WDR36: variants seen among roughly 807,000 people sequenced by gnomAD.
The protein encoded by WDR36 is WD repeat domain 36, also known as WD repeat-containing protein 36.
A neutral mutation model predicts 112.7 loss-of-function variants in WDR36; 63 were observed. That is an observed-to-expected ratio of 0.56 (90% confidence interval 0.46 to 0.69). The LOEUF is 0.69. Among genes scored for constraint, WDR36 ranks in the 30% least tolerant of loss-of-function variants. The probability of loss-of-function intolerance (pLI) is 0.00; values close to 1 mark genes in which losing one functional copy is unlikely to be tolerated. For synonymous variants in WDR36, 410 were observed against 362.2 expected (o/e 1.13, Z -1.50); for missense variants, 1,226 against 1,070.3 (o/e 1.15, Z -2.03).
chr5:111,119,566 C>T (rs1753523094), intron 17 of WDR36, among the ~76,000 whole-genome samples: 1 of 152,042 alleles, frequency 6.6e-6, no homozygotes, highest in African/African-American at 2.4e-5. Flanking sequence ...ACTTTTATAA[C>T]CGTGTAAAGA....
intron 3 of WDR36, 60 bp downstream of exon 3, chr5:111,097,239 G>C (rs1421000407): frequency 7.9e-7 from 1 of 1,261,600 alleles, no homozygotes; most frequent in East Asian, 2.3e-5. Context: ...ATAGTGGAGG[G>C]AACTTTAATT....
rs1752879775 is a variant in WDR36 at position 111,092,408 on chromosome 5, G to A, written c.-49G>A. ...TAGACACGCTGAAGGGACTGGGTAC[G>A]TGTTTTCCTTCAGGACCAGAGCTGA... On this transcript the variant is annotated 5_prime_UTR_variant, in exon 1 of 23. It adds an upstream start codon to the 5' untranslated region. Coordinates refer to ENST00000513710, the MANE Select transcript of WDR36 (RefSeq NM_139281.3). 6.2e-7 allele frequency: 1 copy of A among 1,614,250 alleles called. No individual in the cohort carries two copies. The highest frequency in any genetic ancestry group is 8.5e-7 in the Non-Finnish European group (1 of 1,180,042).
At chr5:111,101,219 A>G (rs75106237) in intron 5 of WDR36, among the ~76,000 whole-genome samples, 2,172 of 152,018 alleles carry the variant, frequency 0.014, 25 homozygotes, top group Non-Finnish European at 0.019. Context: ...GAAAGGTGGC[A>G]TGTGATCCTG....
chr5:111,104,059 G>T (rs1313180433), intron 7 of WDR36, 118 bp from the exon 8 acceptor site: 1 of 1,382,842 alleles, frequency 7.2e-7, no homozygotes, highest in Non-Finnish European at 9.9e-7. Flanking sequence ...AATATGAATA[G>T]ATTATTGGTA....
In WDR36 at chr5:111,127,849, C is replaced by T. The variant is rs1223857794; in HGVS notation, c.*966C>T. On this transcript the variant is annotated 3_prime_UTR_variant, in exon 23 of 23. Coordinates refer to ENST00000513710, the MANE Select transcript of WDR36 (RefSeq NM_139281.3). ...ATAAATCCTTGCAAACAATTTTTAG[C>T]AATATTGTTTATTGCTACCACAGCC... 1 of 208,128 alleles carries T rather than the reference C, an allele frequency of 4.8e-6. No individual in the cohort carries two copies. Among genetic ancestry groups the T allele is most frequent in the Non-Finnish European group, 9.7e-6 (1 of 102,770 alleles). 12.9% of individuals were successfully genotyped at this position (208,128 alleles called of 1,614,324 possible). A position where few individuals can be genotyped will look rare whatever the true frequency, so the allele number is the denominator to read the frequency against.
chr5:111,129,653 G>C lies in WDR36; in HGVS notation c.*2770G>C, dbSNP rs1024603546. On this transcript the variant is annotated 3_prime_UTR_variant, in exon 23 of 23. Coordinates refer to ENST00000513710, the MANE Select transcript of WDR36 (RefSeq NM_139281.3). The stretch of plus-strand genomic sequence containing the variant: ...AATGTTTTCTCCTACTTAGCCATTT[G>C]GCTTTAATTTTACATGGTGTCTGTT... The C allele has an allele frequency of 4.9e-6, 1 of 204,690 alleles. No homozygotes were observed. Among genetic ancestry groups the C allele is most frequent in the African/African-American group, 2.3e-5 (1 of 43,648 alleles). The allele number at this position is 204,690 out of a possible 1,614,324, so 12.7% of individuals were successfully genotyped here.
chr5:111,107,971 C>A (rs1753252803), intron 12 of WDR36, among the ~76,000 whole-genome samples: 1 of 151,044 alleles, frequency 6.6e-6, no homozygotes, highest in Admixed American at 6.6e-5. Context: ...CTCTTCTGGT[C>A]CCTTGCATTT....
Position 111,102,380 on chromosome 5 carries a change from G to A in WDR36, c.578G>A (p.Gly193Glu). ...LLYTFPGWKV[G>E]VTALQQAPAV... ...TATACATTTCCAGGATGGAAAGTTG[G>A]AGTGACAGCTCTTCAGCAGGTTAGT... Residue 193 changes from glycine (G) to glutamate (E), a missense_variant, in exon 6 of 23, where the codon GGA becomes GAA. By Grantham distance (98) the Gly-to-Glu change is moderately conservative (BLOSUM62 -2). Transcript: ENST00000513710. 1 of 1,610,370 alleles carries A rather than the reference G, an allele frequency of 6.2e-7. No homozygotes were observed. The highest frequency in any genetic ancestry group is 1.7e-5 in the Admixed American group (1 of 59,708).
intron 19 of WDR36, among the ~76,000 whole-genome samples, chr5:111,121,916 G>A (rs1753575227): frequency 1.3e-5 from 2 of 152,170 alleles, no homozygotes; most frequent in African/African-American, 4.8e-5. Context: ...TCTGCTGGAT[G>A]TACTTAAGTC....
chr5:111,111,319 C>G lies in WDR36; in HGVS notation c.1716+41C>G, dbSNP rs752421950. ...ACTAATAAAACTTGACTCATTTCTA[C>G]TTTTGTTTGGGTGTGTTATCCTTTA... On this transcript the variant is annotated intron_variant, in intron 15 of 22. Coordinates refer to ENST00000513710, the MANE Select transcript of WDR36 (RefSeq NM_139281.3). The G allele has an allele frequency of 3.9e-6, 6 of 1,536,376 alleles. No individual in the cohort carries two copies. The Admixed American group carries it at 1.0e-4, about 26-fold the overall frequency.
rs376602215 is a variant in WDR36, at chr5:111,119,169, T to C, written c.1904+49T>C. 88 of 1,461,544 alleles carry C rather than the reference T, an allele frequency of 6.0e-5. 1 individual carries two copies. The African/African-American group carries it at 1.1e-3, about 18-fold the overall frequency. The allele number at this position is 1,461,544 out of a possible 1,614,324, so 90.5% of individuals were successfully genotyped here. A position where few individuals can be genotyped will look rare whatever the true frequency, so the allele number is the denominator to read the frequency against. On this transcript the variant is annotated intron_variant, in intron 17 of 22. Transcript: ENST00000513710. The stretch of plus-strand genomic sequence containing the variant: ...TTTTGGGATGAAGAAGATTGTATTG[T>C]CAGAGAGTTAGAGTTGCTAAAATTG...
At chr5:111,119,676 CTT>C (rs915655593) in intron 17 of WDR36, among the ~76,000 whole-genome samples, 2 of 151,880 alleles carry the variant, frequency 1.3e-5, no homozygotes, top group African/African-American at 4.8e-5. Flanking sequence ...TCTTTCCTAA[CTT>C]TATATCTGTA....
At chr5:111,099,958 A>C (rs1468175812) in intron 4 of WDR36, among the ~76,000 whole-genome samples, 1 of 152,180 alleles carries the variant, frequency 6.6e-6, no homozygotes, top group East Asian at 1.9e-4. Context: ...AGCAGAATTC[A>C]AACATAGAAA....
At chr5:111,100,833 TTG>T in intron 5 of WDR36, 112 bp downstream of exon 5, 1 of 1,143,338 alleles carries the variant, frequency 8.7e-7, no homozygotes, top group Non-Finnish European at 1.2e-6. Context: ...ATTTGGAGGG[TTG>T]TCTATAAATA....
intron 8 of WDR36, 28 bp from the exon 9 acceptor site, chr5:111,104,668 GA>G: frequency 6.2e-7 from 1 of 1,610,586 alleles, no homozygotes; most frequent in Non-Finnish European, 8.5e-7. Context: ...GAACATTGTA[GA>G]AGAACTGACG....
rs917239646 is a variant in WDR36, at chr5:111,123,655, C to T, written c.2149-150C>T. 6 of 1,074,078 alleles carry T rather than the reference C, an allele frequency of 5.6e-6. No individual in the cohort carries two copies. In the Admixed American group the frequency reaches 1.4e-4, roughly 25 times the overall value. The allele number at this position is 1,074,078 out of a possible 1,614,324, so 66.5% of individuals were successfully genotyped here. A position where few individuals can be genotyped will look rare whatever the true frequency, so the allele number is the denominator to read the frequency against. Reference sequence around the variant, plus strand: ...AGTTAAGGATAGCTGTGGTATTGGTCAGAAGAGATCATATTTTAACATTCT... The same window carrying T: ...AGTTAAGGATAGCTGTGGTATTGGTTAGAAGAGATCATATTTTAACATTCT... On this transcript the variant is annotated intron_variant, in intron 19 of 22. Coordinates refer to ENST00000513710, the MANE Select transcript of WDR36 (RefSeq NM_139281.3).
intron 13 of WDR36, 77 bp from the exon 14 acceptor site, chr5:111,110,711 G>A (rs1038736318): frequency 2.1e-6 from 3 of 1,461,674 alleles, no homozygotes; most frequent in African/African-American, 1.4e-5. Flanking sequence ...TTTGAATGAA[G>A]GAATCACTGT....
rs1030634856 is a variant in WDR36 at position 111,127,746 on chromosome 5, T to C, written c.*863T>C. On this transcript the variant is annotated 3_prime_UTR_variant, in exon 23 of 23. Coordinates refer to ENST00000513710, the MANE Select transcript of WDR36 (RefSeq NM_139281.3). ...TAGGTAAGGGAAATTCCAAATTCCA[T>C]TGGAAGATGGCCTTTTACTGACACT... 5.7e-5 allele frequency: 12 copies of C among 210,198 alleles called. No individual in the cohort carries two copies. The highest frequency in any genetic ancestry group is 2.8e-4 in the East Asian group (4 of 14,076). The allele number at this position is 210,198 out of a possible 1,614,324, so 13.0% of individuals were successfully genotyped here.
intron 1 of WDR36, among the ~76,000 whole-genome samples, chr5:111,093,272 G>A (rs1022816528): frequency 2.1e-4 from 32 of 152,288 alleles, no homozygotes; most frequent in Admixed American, 6.5e-4. Context: ...CATTGTAATA[G>A]TGTCTCTTGT....
Sources: allele counts gnomAD v4.1 joint callset (sites outside exome capture counted in the v4.1 genomes callset), GRCh38; gene constraint gnomAD v4.1.1; transcripts MANE v1.5; gene names NCBI Gene and HGNC (gene_info 2026-07-23, HGNC 2026-07-21).